Variants in CTNNA3 observed in about 807,000 individuals in gnomAD.
CTNNA3 encodes catenin alpha-3.
Under a neutral mutation model 95.7 loss-of-function variants are expected in CTNNA3, and 76 were observed. That is an observed-to-expected ratio of 0.79 (90% CI 0.66 to 0.96). The LOEUF is 0.96. Ranked by LOEUF, CTNNA3 falls within the 40% of genes least tolerant of loss-of-function variation. CTNNA3 has a pLI of 0.00. For synonymous variants in CTNNA3, 431 were observed against 374.4 expected (o/e 1.15, Z -1.74); for missense variants, 1,191 against 1,089.8 (o/e 1.09, Z -1.31).
intron 5 of CTNNA3, among the ~76,000 whole-genome samples, chr10:67,496,309 T>C (rs890652594): frequency 1.3e-5 from 2 of 152,188 alleles, no homozygotes; most frequent in African/African-American, 4.8e-5. Flanking sequence ...TTCATGAATA[T>C]ATGGCTTATG....
chr10:66,363,848 T>G (rs1033782626), intron 12 of CTNNA3, among the ~76,000 whole-genome samples: 1 of 152,170 alleles, frequency 6.6e-6, no homozygotes, highest in Admixed American at 6.6e-5. Flanking sequence ...GTTAATAACT[T>G]GCTATTTATA....
At chr10:67,467,179 T>C (rs1018376387) in intron 5 of CTNNA3, among the ~76,000 whole-genome samples, 1 of 152,038 alleles carries the variant, frequency 6.6e-6, no homozygotes, top group Non-Finnish European at 1.5e-5. Flanking sequence ...GAACCAAATC[T>C]CATAGTAACA....
intron 13 of CTNNA3, among the ~76,000 whole-genome samples, chr10:66,203,134 T>C (rs2087541643): frequency 6.6e-6 from 1 of 152,174 alleles, no homozygotes; most frequent in Admixed American, 6.5e-5. Flanking sequence ...TGTTTTCTGA[T>C]AGAAGATCCA....
chr10:67,396,460 T>C (rs1844709995), intron 5 of CTNNA3, among the ~76,000 whole-genome samples: 2 of 152,168 alleles, frequency 1.3e-5, no homozygotes, highest in African/African-American at 2.4e-5. Flanking sequence ...TCAAAATCAA[T>C]GTACAGATGA....
intron 11 of CTNNA3, among the ~76,000 whole-genome samples, chr10:66,500,573 G>C (rs562941592): frequency 9.9e-5 from 15 of 152,196 alleles, no homozygotes; most frequent in African/African-American, 3.6e-4. Context: ...ATAGTTAGGT[G>C]AAGAGTATTT....
rs1845243127 is a variant in CTNNA3 at position 66,633,867 on chromosome 10, A to C, written c.1282-12083T>G. 2.0e-5 allele frequency among the ~76,000 whole-genome samples: 3 copies of C among 152,190 alleles called. No individual in the cohort carries two copies. The South Asian group carries it at 6.2e-4, about 32-fold the overall frequency. ...AGTTTTTCCAAGTATATTTTTCACTATATTAACAGTGAAATTAGTTTTCTA... is the reference window on the plus strand; with the variant it reads ...AGTTTTTCCAAGTATATTTTTCACTCTATTAACAGTGAAATTAGTTTTCTA... On this transcript the variant is annotated intron_variant, in intron 9 of 17. Coordinates refer to ENST00000433211, the MANE Select transcript of CTNNA3 (RefSeq NM_013266.4).
chr10:66,039,243 A>T lies in CTNNA3; in HGVS notation c.2159+30065T>A, dbSNP rs72791478. On this transcript the variant is annotated intron_variant, in intron 15 of 17. Transcript: ENST00000433211. ...ACGAAATGCTGCTCAAAGAAATCAC[A>T]GATGACACAAACAAATAGAAAAACA... is the stretch of plus-strand genomic sequence containing the variant. Among the ~76,000 whole-genome samples, 762 of 152,340 alleles carry T rather than the reference A, an allele frequency of 5.0e-3. 3 individuals carry two copies. Among genetic ancestry groups the T allele is most frequent in the Non-Finnish European group, 9.3e-3 (635 of 68,034 alleles).
chr10:66,386,005 A>C (rs1308947152), intron 11 of CTNNA3, among the ~76,000 whole-genome samples: 2 of 152,124 alleles, frequency 1.3e-5, no homozygotes, highest in African/African-American at 2.4e-5. Context: ...ATGGGCAAAA[A>C]CTGGAAGCAT....
intron 13 of CTNNA3, among the ~76,000 whole-genome samples, chr10:66,248,541 TA>T (rs921305559): frequency 6.6e-6 from 1 of 150,724 alleles, no homozygotes; most frequent in African/African-American, 2.4e-5. Flanking sequence ...AAATAAGAAA[TA>T]AAAAAAGATA....
chr10:66,373,334 A>G (rs1401022765), intron 12 of CTNNA3, among the ~76,000 whole-genome samples: 9 of 152,068 alleles, frequency 5.9e-5, no homozygotes, highest in Non-Finnish European at 1.3e-4. Context: ...GGTCCTATAT[A>G]AATCCAGTCT....
At chr10:67,720,810 C>T (rs546183865) in intron 1 of CTNNA3, among the ~76,000 whole-genome samples, 5 of 152,154 alleles carry the variant, frequency 3.3e-5, no homozygotes, top group East Asian at 3.9e-4. Context: ...AAAAATTAGC[C>T]GTGTGTAGTG....
intron 5 of CTNNA3, among the ~76,000 whole-genome samples, chr10:67,370,952 C>T (rs1235364392): frequency 3.4e-5 from 5 of 148,122 alleles, no homozygotes; most frequent in Admixed American, 6.7e-5. Context: ...CTGCAAGCTG[C>T]GCCTCCCGGG....
chr10:66,607,210 C>T (rs918332051), intron 10 of CTNNA3, among the ~76,000 whole-genome samples: 5 of 151,960 alleles, frequency 3.3e-5, no homozygotes, highest in African/African-American at 1.2e-4. Flanking sequence ...GACACAGACA[C>T]CCTGCCAAGA....
intron 13 of CTNNA3, among the ~76,000 whole-genome samples, chr10:66,189,623 CAT>C (rs2086556535): frequency 3.1e-5 from 3 of 98,184 alleles, no homozygotes; most frequent in African/African-American, 1.2e-4. Context: ...TATATACACA[CAT>C]ACACACACAT....
At chr10:67,567,578 T>C (rs374156985) in intron 3 of CTNNA3, among the ~76,000 whole-genome samples, 2 of 152,260 alleles carry the variant, frequency 1.3e-5, no homozygotes. Flanking sequence ...GTGTACCCCA[T>C]ATATTTGTAC....
intron 10 of CTNNA3, among the ~76,000 whole-genome samples, chr10:66,577,543 T>C (rs1208745531): frequency 6.6e-6 from 1 of 152,104 alleles, no homozygotes; most frequent in Non-Finnish European, 1.5e-5. Flanking sequence ...CTTTTGCATA[T>C]GGCTAGCCAG....
chr10:66,819,117 G>T (rs1327024931), intron 7 of CTNNA3, among the ~76,000 whole-genome samples: 1 of 147,392 alleles, frequency 6.8e-6, no homozygotes, highest in Non-Finnish European at 1.5e-5. Context: ...AAAAAAAAAG[G>T]TTGGAGTAGT....
At chr10:66,534,090 C>A (rs1005477652) in intron 10 of CTNNA3, among the ~76,000 whole-genome samples, 3 of 152,132 alleles carry the variant, frequency 2.0e-5, no homozygotes, top group African/African-American at 7.2e-5. Flanking sequence ...TTGATCCATC[C>A]TGTGCTCAAC....
In CTNNA3 at chr10:67,478,814, C is replaced by G. The variant is rs78453219; in HGVS notation, c.579+43028G>C. 9.6e-3 allele frequency among the ~76,000 whole-genome samples: 1,447 copies of G among 151,374 alleles called. 24 individuals carry two copies. The highest frequency in any genetic ancestry group is 0.033 in the African/African-American group (1,374 of 41,240). ...TGAATGTAAACAGTCTAAACACCCC[C>G]ACTTAAAAGGCACAAATTGGCAAGT... On this transcript the variant is annotated intron_variant, in intron 5 of 17. Transcript: ENST00000433211.
Sources: gnomAD v4.1 joint callset for allele counts (sites outside exome capture counted in the v4.1 genomes callset) on GRCh38, gnomAD v4.1.1 for gene constraint, MANE v1.5 for transcripts, NCBI Gene and HGNC (gene_info 2026-07-23, HGNC 2026-07-21) for gene names.